Variants in EXD3 observed in about 807,000 individuals in gnomAD.
EXD3 encodes exonuclease 3'-5' domain containing 3, also known as exonuclease mut-7 homolog.
EXD3 carries 92 observed loss-of-function variants against 98.0 expected under a neutral mutation model. That is an observed-to-expected ratio of 0.94 (90% confidence interval 0.79 to 1.12). EXD3 has a LOEUF of 1.12. Among genes scored for constraint, EXD3 ranks in the 50% most tolerant of loss-of-function variants. The pLI, the probability that EXD3 is intolerant of heterozygous loss-of-function variation, is 0.00. For missense variants in EXD3, 1,222 were observed against 1,191.6 expected (o/e 1.03, Z -0.38); for synonymous variants, 569 against 526.0 (o/e 1.08, Z -1.12).
chr9:137,382,523 G>C (rs545603561), intron 3 of EXD3, among the ~76,000 whole-genome samples: 1 of 152,196 alleles, frequency 6.6e-6, no homozygotes, highest in South Asian at 2.1e-4. Flanking sequence ...AATCTCAAAA[G>C]CAAGGACAGA....
At chr9:137,314,803 G>C (rs961026405) in intron 19 of EXD3, among the ~76,000 whole-genome samples, 1 of 152,200 alleles carries the variant, frequency 6.6e-6, no homozygotes, top group Non-Finnish European at 1.5e-5. Flanking sequence ...CCTCACCCCA[G>C]AGCCCCCAAA....
intron 8 of EXD3, among the ~76,000 whole-genome samples, chr9:137,355,939 C>G (rs1479001482): frequency 1.3e-5 from 2 of 152,132 alleles, no homozygotes; most frequent in Non-Finnish European, 2.9e-5. Flanking sequence ...CCAGAGGGGC[C>G]TGGGAGGAGT....
intron 10 of EXD3, chr9:137,353,668 G>A (rs956700132): frequency 1.6e-5 from 16 of 985,546 alleles, no homozygotes; most frequent in Non-Finnish European, 1.8e-5. Flanking sequence ...CTCAGCCCCC[G>A]CTGGGAAATG....
At position 137,336,656 on chromosome 9, in the gene EXD3, TAA is replaced by T. The variant is rs34705760; in HGVS notation, c.1998+11413_1998+11414del. The stretch of plus-strand genomic sequence containing the variant: ...CTGGGTGACAAAGTGAGACTCCGTC[TAA>T]AAAAAAAAAAAAAAAAAATTCTAGG... On this transcript the variant is annotated intron_variant, in intron 17 of 21. Transcript: ENST00000340951. Among the ~76,000 whole-genome samples, 431 of 112,588 alleles carry T rather than the reference TAA, an allele frequency of 3.8e-3. 3 individuals carry two copies. Among genetic ancestry groups the T allele is most frequent in the African/African-American group, 0.014 (407 of 28,908 alleles). The allele number at this position is 112,588 out of a possible 152,430, so 73.9% of individuals were successfully genotyped here.
chr9:137,413,208 C>CT (rs534902066), intron 1 of EXD3, among the ~76,000 whole-genome samples: 10 of 149,500 alleles, frequency 6.7e-5, no homozygotes, highest in African/African-American at 2.2e-4. Context: ...AACTCCAGAA[C>CT]TTTTTTTTTT....
At chr9:137,333,471 T>G (rs1833199511) in intron 17 of EXD3, among the ~76,000 whole-genome samples, 2 of 152,168 alleles carry the variant, frequency 1.3e-5, no homozygotes, top group Non-Finnish European at 1.5e-5. Flanking sequence ...GTGGTATAAT[T>G]TGAATGTGTC....
intron 2 of EXD3, among the ~76,000 whole-genome samples, chr9:137,383,994 G>A (rs941084304): frequency 6.6e-6 from 1 of 152,222 alleles, no homozygotes; most frequent in African/African-American, 2.4e-5. Context: ...GGCCGGTGGT[G>A]CAGGGGAGTG....
chr9:137,321,234 A>T (rs1053297126), intron 19 of EXD3, among the ~76,000 whole-genome samples: 1 of 152,216 alleles, frequency 6.6e-6, no homozygotes, highest in Non-Finnish European at 1.5e-5. Context: ...GCAGGCCTGC[A>T]TCTGTTTCTG....
chr9:137,415,960 C>T (rs879692902), intron 1 of EXD3, among the ~76,000 whole-genome samples: 1 of 152,188 alleles, frequency 6.6e-6, no homozygotes, highest in East Asian at 1.9e-4. Context: ...GCTCTGCCGA[C>T]GGTGCCTCTG....
rs184542865 is a variant in EXD3, at chr9:137,371,934, G to A, written c.462+971C>T. 6.4e-4 allele frequency among the ~76,000 whole-genome samples: 97 copies of A among 152,136 alleles called. No homozygotes were observed. Among genetic ancestry groups the A allele is most frequent in the African/African-American group, 2.3e-3 (96 of 41,518 alleles). ...GACGGCCGCCTCCCTACCCACTGCA[G>A]GCCCCACTGCTCCCTACTGTTCCAC... On this transcript the variant is annotated intron_variant, in intron 5 of 21. Coordinates refer to ENST00000340951, the MANE Select transcript of EXD3 (RefSeq NM_017820.5). The surrounding 1 kb of genome is among the most constrained non-coding windows in gnomAD (Gnocchi z 8.0).
intron 3 of EXD3, chr9:137,374,426 G>A (rs1432460792): frequency 2.3e-5 from 9 of 398,506 alleles, no homozygotes; most frequent in Admixed American, 6.4e-5. Context: ...CGTGGGCCGC[G>A]CTGTTCTCGT....
rs1564215999 is a variant in EXD3 at position 137,407,493 on chromosome 9, G to A, written c.-47-12089C>T. ...GCAGGTCTGGCCGCTCTCGGGCTCT[G>A]CCCTGCCAGCCCCACAACCCAGAAC... is the stretch of plus-strand genomic sequence containing the variant. On this transcript the variant is annotated intron_variant, in intron 1 of 21. Coordinates refer to ENST00000340951, the MANE Select transcript of EXD3 (RefSeq NM_017820.5). This position sits in a 1 kb window ranked among gnomAD's most constrained non-coding sequence, Gnocchi z 4.4. 6.6e-6 allele frequency among the ~76,000 whole-genome samples: 1 copy of A among 152,220 alleles called. No individual in the cohort carries two copies. Among genetic ancestry groups the A allele is most frequent in the African/African-American group, 2.4e-5 (1 of 41,474 alleles).
chr9:137,354,459 C>G (rs774291433), intron 9 of EXD3, 82 bp from the exon 10 acceptor site: 25 of 1,594,260 alleles, frequency 1.6e-5, no homozygotes, highest in Non-Finnish European at 2.1e-5. Context: ...TCCTCGACCC[C>G]TGGCAGGGTA....
Position 137,365,753 on chromosome 9 carries a change from T to TGC in EXD3, c.656+738_656+739dup, listed in dbSNP as rs200911753. Reference sequence around the variant, plus strand: ...ACACACCTACAGGCACACACATACATGCACACACACACCACATGCACGAAA... The same window carrying TGC: ...ACACACCTACAGGCACACACATACATGCGCACACACACACCACATGCACGAAA... On this transcript the variant is annotated intron_variant, in intron 7 of 21. Transcript: ENST00000340951. 1.2e-5 allele frequency: 4 copies of TGC among 321,080 alleles called. No homozygotes were observed. In the East Asian group the frequency reaches 3.3e-4, roughly 27 times the overall value. 19.9% of individuals were successfully genotyped at this position (321,080 alleles called of 1,614,324 possible).
rs756617230 is a variant in EXD3, at chr9:137,323,822, G to A, written c.2087C>T (p.Ser696Leu). ...RAQVGAGRCL[S>L]VDCSLKAQQQ... ...CTGGGCCTTCAGGGAGCAGTCGACCGAGAGGCAGCGCCCAGCCCCGACCTG... is the reference window on the plus strand; with the variant it reads ...CTGGGCCTTCAGGGAGCAGTCGACCAAGAGGCAGCGCCCAGCCCCGACCTG... The change falls in exon 19 of 22, where the codon TCG (serine) becomes TTG (leucine). Residue 696 changes from serine (S) to leucine (L), a missense_variant. By Grantham distance (145) the Ser-to-Leu change is moderately radical. Coordinates refer to ENST00000340951, the MANE Select transcript of EXD3 (RefSeq NM_017820.5). The A allele has an allele frequency of 1.9e-6, 3 of 1,611,890 alleles. No homozygotes were observed. The highest frequency in any genetic ancestry group is 1.3e-5 in the African/African-American group (1 of 74,936).
At chr9:137,377,591 C>T (rs531278879) in intron 3 of EXD3, among the ~76,000 whole-genome samples, 20 of 148,826 alleles carry the variant, frequency 1.3e-4, no homozygotes, top group Admixed American at 1.1e-3. Flanking sequence ...CGTGCTGATG[C>T]GCACCTTTAA....
At position 137,358,086 on chromosome 9, in the gene EXD3, C is replaced by T. The variant is rs918191573; in HGVS notation, c.657-1718G>A. Reference sequence around the variant, plus strand: ...TTTGGCAACACCCTCACAGACACACCCAGGATCAATACTTTGCATCTGTCC... The same window carrying T: ...TTTGGCAACACCCTCACAGACACACTCAGGATCAATACTTTGCATCTGTCC... On this transcript the variant is annotated intron_variant, in intron 7 of 21. Coordinates refer to ENST00000340951, the MANE Select transcript of EXD3 (RefSeq NM_017820.5). Among the ~76,000 whole-genome samples the T allele has an allele frequency of 5.3e-5, 8 of 152,240 alleles. No homozygotes were observed. In the South Asian group the frequency reaches 1.5e-3, roughly 28 times the overall value.
At chr9:137,335,476 C>T (rs1171415463) in intron 17 of EXD3, among the ~76,000 whole-genome samples, 2 of 152,010 alleles carry the variant, frequency 1.3e-5, no homozygotes, top group East Asian at 1.9e-4. Context: ...GTCAGGAGTT[C>T]GAGACCAGCC....
chr9:137,388,509 T>A (rs1836728050), intron 2 of EXD3, among the ~76,000 whole-genome samples: 1 of 152,094 alleles, frequency 6.6e-6, no homozygotes, highest in Non-Finnish European at 1.5e-5. Flanking sequence ...AAGGCTCTGT[T>A]ATTCCCGACA....
Sources: allele counts gnomAD v4.1 joint callset (sites outside exome capture counted in the v4.1 genomes callset), GRCh38; gene constraint gnomAD v4.1.1; non-coding constraint Gnocchi (gnomAD v3.1); transcripts MANE v1.5; gene names NCBI Gene and HGNC (gene_info 2026-07-23, HGNC 2026-07-21).